TDRD1: variants seen among roughly 807,000 people sequenced by gnomAD.
TDRD1 encodes the protein tudor domain containing 1.
TDRD1 carries 37 observed loss-of-function variants against 140.6 expected under a neutral mutation model. The observed-to-expected ratio is 0.26, with a 90% confidence interval of 0.20 to 0.35. The LOEUF (loss-of-function observed/expected upper bound fraction) is 0.35. Among genes scored for constraint, TDRD1 ranks in the 10% least tolerant of loss-of-function variants. The probability of loss-of-function intolerance (pLI) is 1.00; values close to 1 mark genes in which losing one functional copy is unlikely to be tolerated. For synonymous variants in TDRD1, 506 were observed against 475.7 expected, an observed-to-expected ratio of 1.06 and a Z score of -0.83; for missense variants, 1,243 against 1,393.0, an observed-to-expected ratio of 0.89 and a Z score of 1.71.
rs776186858 is a variant in TDRD1, at chr10:114,191,025, T to A, written c.384+6T>A. ...CACCCAAAGAAGTGAATATTGTAAG[T>A]TATTTTATTGTGTGTGTGCTTGTTT... is the stretch of plus-strand genomic sequence containing the variant. On this transcript the variant is annotated splice_donor_region_variant and intron_variant, in intron 3 of 25. Transcript: ENST00000251864. 2 of 1,613,580 alleles carry A rather than the reference T, an allele frequency of 1.2e-6. No homozygotes were observed. Among genetic ancestry groups the A allele is most frequent in the Admixed American group, 3.3e-5 (2 of 60,012 alleles).
At chr10:114,211,876 G>A (rs1465048019) in exon 14 of TDRD1, 2 of 1,556,196 alleles carry the variant, frequency 1.3e-6, no homozygotes, top group Non-Finnish European at 1.7e-6. Flanking sequence ...AGGATGATCA[G>A]TGGTACCGTG....
intron 21 of TDRD1, among the ~76,000 whole-genome samples, chr10:114,223,755 G>T (rs2133182159): frequency 6.6e-6 from 1 of 152,246 alleles, no homozygotes; most frequent in East Asian, 1.9e-4. Context: ...TTTTGTCGTT[G>T]TTAGTGTTCT....
At chr10:114,199,224 G>A in exon 4 of TDRD1, 1 of 1,613,876 alleles carries the variant, frequency 6.2e-7, no homozygotes, top group Non-Finnish European at 8.5e-7. Context: ...AAACAAGTTG[G>A]TCGAGAATTC....
chr10:114,204,833 G>C (rs2034998170), exon 10 of TDRD1: 1 of 1,598,742 alleles, frequency 6.3e-7, no homozygotes, highest in Non-Finnish European at 8.5e-7. Context: ...CATAAAGATT[G>C]TCGACATCTT....
chr10:114,225,928 C>A, intron 21 of TDRD1, 121 bp from the exon 22 acceptor site: 1 of 807,600 alleles, frequency 1.2e-6, no homozygotes, highest in Non-Finnish European at 2.1e-6. Flanking sequence ...TTAATTTGAA[C>A]TGTAACCAGA....
chr10:114,201,062 G>T (rs762767941), intron 4 of TDRD1, among the ~76,000 whole-genome samples: 1 of 151,418 alleles, frequency 6.6e-6, no homozygotes, highest in Non-Finnish European at 1.5e-5. Flanking sequence ...AACCATGTTG[G>T]CCAGGCTGGT....
At chr10:114,197,655 A>G (rs888012389) in intron 3 of TDRD1, among the ~76,000 whole-genome samples, 1 of 132,730 alleles carries the variant, frequency 7.5e-6, no homozygotes, top group Admixed American at 7.7e-5. Flanking sequence ...CTTGGGTATT[A>G]TGAGACTTTT....
chr10:114,192,054 ATTT>A (rs146888592), intron 3 of TDRD1, among the ~76,000 whole-genome samples: 1 of 145,494 alleles, frequency 6.9e-6, no homozygotes, highest in Non-Finnish European at 1.5e-5. Flanking sequence ...CTATTTTCTA[ATTT>A]TTTTTTTTTA....
chr10:114,188,876 GAAAAAA>G (rs34349007), intron 2 of TDRD1, among the ~76,000 whole-genome samples: 4 of 107,154 alleles, frequency 3.7e-5, no homozygotes, highest in East Asian at 4.1e-4. Flanking sequence ...AAAACAAAAT[GAAAAAA>G]AAAAAAAAAA....
chr10:114,184,746 A>C (rs1190137690), intron 1 of TDRD1, among the ~76,000 whole-genome samples: 1 of 152,130 alleles, frequency 6.6e-6, no homozygotes, highest in Non-Finnish European at 1.5e-5. Context: ...GTAAGTTTTA[A>C]TTGTCACATG....
At chr10:114,230,053 G>A (rs901442361) in intron 25 of TDRD1, among the ~76,000 whole-genome samples, 1 of 152,054 alleles carries the variant, frequency 6.6e-6, no homozygotes, top group Admixed American at 6.5e-5. Context: ...GGATGGTCTC[G>A]ATCTCCTGAC....
At chr10:114,220,541 C>T in intron 18 of TDRD1, 27 bp from the exon 19 acceptor site, 1 of 1,580,640 alleles carries the variant, frequency 6.3e-7, no homozygotes. Context: ...TCATAGGATT[C>T]TTTTTACTGC....
At chr10:114,208,135 G>C (rs1019788825) in intron 11 of TDRD1, among the ~76,000 whole-genome samples, 2 of 152,160 alleles carry the variant, frequency 1.3e-5, no homozygotes, top group African/African-American at 4.8e-5. Context: ...TGAAAAATAA[G>C]TAGGGCTAGA....
intron 25 of TDRD1, chr10:114,231,443 T>C: frequency 6.5e-7 from 1 of 1,534,602 alleles, no homozygotes. Flanking sequence ...CAATTGAGTT[T>C]TTGTGTAAGG....
At chr10:114,229,296 G>A (rs911271155) in intron 25 of TDRD1, among the ~76,000 whole-genome samples, 1 of 152,142 alleles carries the variant, frequency 6.6e-6, no homozygotes, top group Admixed American at 6.5e-5. Flanking sequence ...TCTTTTATGG[G>A]TGTAGTAACT....
intron 17 of TDRD1, among the ~76,000 whole-genome samples, chr10:114,217,922 C>T (rs941661064): frequency 3.3e-5 from 5 of 152,252 alleles, no homozygotes; most frequent in East Asian, 1.9e-4. Context: ...CTCATGGAAG[C>T]GCTGTTCACA....
exon 26 of TDRD1, chr10:114,231,982 G>A (rs1305098933): frequency 6.7e-6 from 1 of 150,314 alleles, no homozygotes; most frequent in Non-Finnish European, 1.5e-5. Flanking sequence ...TTTATTTTCT[G>A]TCCGTTTGAA....
At chr10:114,227,402 C>G in intron 23 of TDRD1, 103 bp downstream of exon 23, 2 of 808,780 alleles carry the variant, frequency 2.5e-6, no homozygotes, top group Non-Finnish European at 4.0e-6. Context: ...GCCATACTCT[C>G]TCCTCCTCCT....
chr10:114,212,173 T>C (rs1458593711), intron 14 of TDRD1, 137 bp downstream of exon 14: 4 of 740,226 alleles, frequency 5.4e-6, no homozygotes, highest in Non-Finnish European at 8.2e-6. Flanking sequence ...ATAAATGTCA[T>C]TTATCCCAAA....
Sources: gnomAD v4.1 joint callset for allele counts (sites outside exome capture counted in the v4.1 genomes callset) on GRCh38, gnomAD v4.1.1 for gene constraint, MANE v1.5 for transcripts, NCBI Gene and HGNC (gene_info 2026-07-23, HGNC 2026-07-21) for gene names.